Variants in GRIK2 observed in about 807,000 individuals in gnomAD.
The protein encoded by GRIK2 is glutamate receptor ionotropic, kainate 2.
A neutral mutation model predicts 100.3 loss-of-function variants in GRIK2; 32 were observed. That is an observed-to-expected ratio of 0.32 (90% confidence interval 0.24 to 0.43). The LOEUF is 0.43. Among genes scored for constraint, GRIK2 ranks in the 20% least tolerant of loss-of-function variants. The pLI is 1.00. For missense variants in GRIK2, 843 were observed against 1,114.9 expected, an observed-to-expected ratio of 0.76 and a Z score of 3.47; for synonymous variants, 417 against 389.4, an observed-to-expected ratio of 1.07 and a Z score of -0.83.
intron 7 of GRIK2, among the ~76,000 whole-genome samples, chr6:101,731,530 C>T (rs1353985881): frequency 3.3e-5 from 5 of 151,798 alleles, no homozygotes; most frequent in African/African-American, 1.2e-4. Flanking sequence ...AGTTTGGAGG[C>T]AAATAACCTA....
intron 2 of GRIK2, among the ~76,000 whole-genome samples, chr6:101,450,130 T>G (rs1191530611): frequency 6.6e-6 from 1 of 151,744 alleles, no homozygotes; most frequent in African/African-American, 2.4e-5. Context: ...CCCTCAAGGT[T>G]ACTAGTTCTT....
At chr6:101,769,778 T>A (rs529033235) in intron 7 of GRIK2, among the ~76,000 whole-genome samples, 1 of 152,260 alleles carries the variant, frequency 6.6e-6, no homozygotes, top group East Asian at 1.9e-4. Context: ...TAAAGCATTG[T>A]AATGGGAATA....
chr6:101,849,378 G>C (rs1582375365), intron 10 of GRIK2, among the ~76,000 whole-genome samples: 1 of 152,060 alleles, frequency 6.6e-6, no homozygotes, highest in East Asian at 1.9e-4. Flanking sequence ...GCATTATCCT[G>C]AGCACCTCTT....
At chr6:101,993,891 ATATT>A (rs1270921677) in intron 14 of GRIK2, 1 of 147,022 alleles carries the variant, frequency 6.8e-6, no homozygotes, top group East Asian at 2.0e-4. Context: ...ACATTGATAT[ATATT>A]ATACACACAT....
At chr6:101,908,008 T>C (rs7772343) in intron 12 of GRIK2, among the ~76,000 whole-genome samples, 137,274 of 151,382 alleles carry the variant, frequency 0.91, 62,388 homozygotes, top group Middle Eastern at 0.96. Context: ...AGCACATTTC[T>C]GAATTTCCCC....
chr6:101,844,021 T>C (rs1783667905), intron 10 of GRIK2, among the ~76,000 whole-genome samples: 1 of 152,094 alleles, frequency 6.6e-6, no homozygotes, highest in Non-Finnish European at 1.5e-5. Flanking sequence ...TAGATATCTA[T>C]TAAATAGATT....
intron 2 of GRIK2, among the ~76,000 whole-genome samples, chr6:101,546,819 CTTTTTTTTTTTTTTT>C: frequency 1.3e-5 from 1 of 76,920 alleles, no homozygotes; most frequent in Non-Finnish European, 2.7e-5. Context: ...GTTTTTGTTT[CTTTTTTTTTTTTTTT>C]TTTTTTTTTT....
intron 14 of GRIK2, among the ~76,000 whole-genome samples, chr6:101,989,810 C>T (rs1562092958): frequency 1.3e-5 from 2 of 151,334 alleles, no homozygotes; most frequent in Non-Finnish European, 3.0e-5. Context: ...CATTGATATG[C>T]AATAAATATT....
intron 2 of GRIK2, among the ~76,000 whole-genome samples, chr6:101,495,740 C>A (rs1773409051): frequency 6.6e-6 from 1 of 151,848 alleles, no homozygotes; most frequent in Admixed American, 6.6e-5. Flanking sequence ...CAGTTCAGAC[C>A]TCAAACAGGG....
At chr6:102,065,372 A>G (rs911564991) in intron 16 of GRIK2, among the ~76,000 whole-genome samples, 1 of 151,350 alleles carries the variant, frequency 6.6e-6, no homozygotes, top group Non-Finnish European at 1.5e-5. Flanking sequence ...ATTGCTTAAA[A>G]TGGTTTTAAA....
chr6:101,895,607 G>A lies in GRIK2; in HGVS notation c.1748+5744G>A, dbSNP rs1030596395. The stretch of plus-strand genomic sequence containing the variant: ...TAAAAATAGATAACTGTTTTGGTGG[G>A]ATGTTCAGTGTTAAACTAATCCGCT... On this transcript the variant is annotated intron_variant, in intron 12 of 16. Coordinates refer to ENST00000369134, the MANE Select transcript of GRIK2 (RefSeq NM_021956.5). 3.3e-5 allele frequency among the ~76,000 whole-genome samples: 5 copies of A among 151,684 alleles called. No homozygotes were observed. In the Admixed American group the frequency reaches 3.3e-4, roughly 10 times the overall value.
rs187536208 is a variant in GRIK2 at position 101,426,260 on chromosome 6, T to G, written c.115+26868T>G. Reference sequence around the variant, plus strand: ...AGCTGTGTGACCTGTGGCAGGATTCTTAATGTCTCTCCTTGTCTCTGTTGT... The same window carrying G: ...AGCTGTGTGACCTGTGGCAGGATTCGTAATGTCTCTCCTTGTCTCTGTTGT... On this transcript the variant is annotated intron_variant, in intron 2 of 16. Transcript: ENST00000369134. 5.9e-5 allele frequency among the ~76,000 whole-genome samples: 9 copies of G among 152,338 alleles called. No individual in the cohort carries two copies. In the East Asian group the frequency reaches 1.5e-3, roughly 26 times the overall value.
At chr6:101,749,302 T>G (rs1246863493) in intron 7 of GRIK2, among the ~76,000 whole-genome samples, 2 of 152,080 alleles carry the variant, frequency 1.3e-5, no homozygotes, top group Non-Finnish European at 2.9e-5. Flanking sequence ...AGACACAAGA[T>G]TTCACCATGT....
At position 101,399,233 on chromosome 6, in the gene GRIK2, C is replaced by A. The variant is rs372164020; in HGVS notation, c.-45C>A. The A allele has an allele frequency of 2.2e-6, 2 of 928,806 alleles. No individual in the cohort carries two copies. Among genetic ancestry groups the A allele is most frequent in the African/African-American group, 3.2e-5 (2 of 61,926 alleles). The allele number at this position is 928,806 out of a possible 1,614,324, so 57.5% of individuals were successfully genotyped here. A position where few individuals can be genotyped will look rare whatever the true frequency, so the allele number is the denominator to read the frequency against. ...TCTACCCGAACCCAGGAGCCGAACGCTAGATCGGGGAAGTGGGTGCCGTGC... is the reference window on the plus strand; with the variant it reads ...TCTACCCGAACCCAGGAGCCGAACGATAGATCGGGGAAGTGGGTGCCGTGC... On this transcript the variant is annotated 5_prime_UTR_variant, in exon 2 of 17. Transcript: ENST00000369134.
At chr6:102,015,549 G>A (rs1795790810) in intron 14 of GRIK2, among the ~76,000 whole-genome samples, 2 of 152,066 alleles carry the variant, frequency 1.3e-5, no homozygotes, top group African/African-American at 4.8e-5. Context: ...CAGGTCCTTT[G>A]CCCCCCAGAT....
chr6:101,584,038 T>C (rs56101425), intron 2 of GRIK2, among the ~76,000 whole-genome samples: 13,272 of 152,090 alleles, frequency 0.087, 1,558 homozygotes, highest in African/African-American at 0.27. Flanking sequence ...GTTGATGTCA[T>C]GTGCATAAAT....
chr6:101,912,079 CAG>C (rs1562482975), intron 12 of GRIK2, among the ~76,000 whole-genome samples: 41,928 of 139,138 alleles, frequency 0.3, 7,064 homozygotes, highest in Non-Finnish European at 0.38. Flanking sequence ...CACACACACA[CAG>C]ACACAAACAC....
intron 7 of GRIK2, among the ~76,000 whole-genome samples, chr6:101,790,691 G>A (rs9485546): frequency 0.11 from 16,283 of 149,340 alleles, 1,934 homozygotes; most frequent in East Asian, 0.66. Flanking sequence ...GTCTCTGCCC[G>A]GCTTTGGTAT....
chr6:101,912,046 G>GCA (rs571177027), intron 12 of GRIK2, among the ~76,000 whole-genome samples: 909 of 62,884 alleles, frequency 0.014, 8 homozygotes, highest in African/African-American at 0.058. Context: ...CAGGGGCAAC[G>GCA]CACACACACA....
Sources: gnomAD v4.1 joint callset for allele counts (sites outside exome capture counted in the v4.1 genomes callset) on GRCh38, gnomAD v4.1.1 for gene constraint, MANE v1.5 for transcripts, NCBI Gene and HGNC (gene_info 2026-07-23, HGNC 2026-07-21) for gene names.